NOVA1: variants seen among roughly 807,000 people sequenced by gnomAD.
NOVA1 encodes RNA-binding protein Nova-1.
Under a neutral mutation model 38.0 loss-of-function variants are expected in NOVA1, and 7 were observed. That is an observed-to-expected ratio of 0.18 (90% CI 0.10 to 0.35). The LOEUF is 0.35. Ranked by LOEUF, NOVA1 falls within the 10% of genes least tolerant of loss-of-function variation. The pLI, the probability that NOVA1 is intolerant of heterozygous loss-of-function variation, is 1.00. For missense variants in NOVA1, 460 were observed against 616.0 expected (o/e 0.75, Z 2.68); for synonymous variants, 270 against 232.5 (o/e 1.16, Z -1.47).
At chr14:26,466,458 T>C (rs1884149045) in intron 4 of NOVA1, among the ~76,000 whole-genome samples, 1 of 152,176 alleles carries the variant, frequency 6.6e-6, no homozygotes, top group Non-Finnish European at 1.5e-5. Flanking sequence ...TCTGGAGTTT[T>C]ACTGTGAGAA....
At chr14:26,540,685 T>G (rs187103008) in intron 2 of NOVA1, among the ~76,000 whole-genome samples, 1 of 152,292 alleles carries the variant, frequency 6.6e-6, no homozygotes, top group African/African-American at 2.4e-5. Context: ...AATAAGAGTA[T>G]CATCAAGTTG....
intron 2 of NOVA1, among the ~76,000 whole-genome samples, chr14:26,537,791 T>C (rs1890207573): frequency 6.6e-6 from 1 of 151,984 alleles, no homozygotes. Context: ...TAAAAGACTA[T>C]GAGGAGAGAA....
At chr14:26,484,817 C>T (rs1327543983) in intron 2 of NOVA1, among the ~76,000 whole-genome samples, 1 of 152,156 alleles carries the variant, frequency 6.6e-6, no homozygotes, top group East Asian at 1.9e-4. Flanking sequence ...CTTCACTTGG[C>T]TTTCAGAATG....
At chr14:26,542,777 CA>C (rs1890551004) in intron 2 of NOVA1, among the ~76,000 whole-genome samples, 1 of 147,274 alleles carries the variant, frequency 6.8e-6, no homozygotes, top group Admixed American at 6.8e-5. Context: ...CAGATCATTA[CA>C]GCTATTTAAT....
At chr14:26,562,255 T>G (rs183975643) in intron 2 of NOVA1, among the ~76,000 whole-genome samples, 1 of 152,310 alleles carries the variant, frequency 6.6e-6, no homozygotes, top group Admixed American at 6.5e-5. Flanking sequence ...TTTCTGTCAC[T>G]TACTAGCCCT....
intron 2 of NOVA1, among the ~76,000 whole-genome samples, chr14:26,510,019 G>C (rs552790765): frequency 1.3e-5 from 2 of 152,252 alleles, no homozygotes; most frequent in African/African-American, 4.8e-5. Context: ...ACAGACATAA[G>C]AGAATAGAGT....
chr14:26,471,655 C>G (rs1884600927), intron 4 of NOVA1, among the ~76,000 whole-genome samples: 1 of 151,786 alleles, frequency 6.6e-6, no homozygotes, highest in Non-Finnish European at 1.5e-5. Context: ...TGAAGAATGA[C>G]CTACAAATAG....
chr14:26,585,934 G>T (rs1207034162), intron 2 of NOVA1, among the ~76,000 whole-genome samples: 1 of 151,334 alleles, frequency 6.6e-6, no homozygotes, highest in South Asian at 2.1e-4. Context: ...AAGATGGACT[G>T]CCTTCTATAT....
At chr14:26,490,088 T>G (rs564258472) in intron 2 of NOVA1, among the ~76,000 whole-genome samples, 17 of 152,348 alleles carry the variant, frequency 1.1e-4, no homozygotes, top group African/African-American at 4.1e-4. Flanking sequence ...TCTAGATATT[T>G]CGTATAAATG....
intron 2 of NOVA1, among the ~76,000 whole-genome samples, chr14:26,490,724 C>A (rs61986464): frequency 0.18 from 27,241 of 151,900 alleles, 2,670 homozygotes; most frequent in East Asian, 0.33. Flanking sequence ...TGTTGCCCAA[C>A]TGTGAGTGCA....
intron 2 of NOVA1, among the ~76,000 whole-genome samples, chr14:26,541,541 T>C (rs1890466436): frequency 6.7e-6 from 1 of 148,332 alleles, no homozygotes; most frequent in Non-Finnish European, 1.5e-5. Context: ...GCATCACTTT[T>C]CCTATTTTAT....
chr14:26,519,167 A>C (rs982057003), intron 2 of NOVA1: 1 of 149,886 alleles, frequency 6.7e-6, no homozygotes, highest in Non-Finnish European at 1.5e-5. Flanking sequence ...CCTCCAATAT[A>C]ACTATATAAT....
At chr14:26,509,197 G>T (rs919435089) in intron 2 of NOVA1, among the ~76,000 whole-genome samples, 14 of 152,182 alleles carry the variant, frequency 9.2e-5, no homozygotes, top group Admixed American at 9.2e-4. Context: ...AGAATAGTAA[G>T]CAGAAAGCCT....
intron 2 of NOVA1, among the ~76,000 whole-genome samples, chr14:26,532,708 C>T (rs561649353): frequency 3.9e-5 from 6 of 152,158 alleles, no homozygotes; most frequent in South Asian, 4.2e-4. Context: ...ACATGTTTTA[C>T]GAGACTTTTG....
chr14:26,597,520 T>TC lies in NOVA1; in HGVS notation c.-85_-84insG, dbSNP rs987953404. 1.7e-6 allele frequency: 2 copies of TC among 1,163,276 alleles called. No homozygotes were observed. Among genetic ancestry groups the TC allele is most frequent in the Non-Finnish European group, 2.1e-6 (2 of 938,626 alleles). 72.1% of individuals were successfully genotyped at this position (1,163,276 alleles called of 1,614,324 possible). A position where few individuals can be genotyped will look rare whatever the true frequency, so the allele number is the denominator to read the frequency against. On this transcript the variant is annotated 5_prime_UTR_variant, in exon 1 of 5. Transcript: ENST00000539517. ...CTTTTCTTTTTTCTTTTTTTTTTTT[T>TC]TTTTTTTTTGCGTTTGGGGTTTCTT...
intron 2 of NOVA1, among the ~76,000 whole-genome samples, chr14:26,584,589 A>AC (rs1341856649): frequency 1.3e-5 from 2 of 151,300 alleles, no homozygotes; most frequent in East Asian, 1.9e-4. Flanking sequence ...ACCACCACTG[A>AC]CCCCCACACC....
intron 2 of NOVA1, among the ~76,000 whole-genome samples, chr14:26,570,220 A>C (rs1892386605): frequency 1.3e-5 from 2 of 151,916 alleles, no homozygotes; most frequent in Admixed American, 1.3e-4. Context: ...GGTGGTGGGC[A>C]CCTGTCATCC....
In NOVA1 at chr14:26,443,627, T is replaced by C. The variant is rs1881855870; in HGVS notation, c.*4332A>G. 1 of 152,256 alleles carries C rather than the reference T, an allele frequency of 6.6e-6. No homozygotes were observed. The highest frequency in any genetic ancestry group is 6.6e-5 in the Admixed American group (1 of 15,230). 9.4% of individuals were successfully genotyped at this position (152,256 alleles called of 1,614,324 possible). On this transcript the variant is annotated 3_prime_UTR_variant, in exon 5 of 5. Transcript: ENST00000539517. The stretch of plus-strand genomic sequence containing the variant: ...CATGCAGATTTCCAAATATAATCTG[T>C]TAAAGTAATATGATACTTACCCTTT...
chr14:26,574,278 C>CCG (rs957394687), intron 2 of NOVA1, among the ~76,000 whole-genome samples: 1 of 95,860 alleles, frequency 1.0e-5, no homozygotes, highest in African/African-American at 4.2e-5. Context: ...CCCCCCCCCC[C>CCG]CCGCCCCCTC....
Sources: allele counts gnomAD v4.1 joint callset (sites outside exome capture counted in the v4.1 genomes callset), GRCh38; gene constraint gnomAD v4.1.1; transcripts MANE v1.5; gene names NCBI Gene and HGNC (gene_info 2026-07-23, HGNC 2026-07-21).